The following IFFO2 variants were observed in gnomAD, a reference collection of about 807,000 sequenced individuals.
IFFO2 encodes intermediate filament family orphan 2.
A neutral mutation model predicts 53.5 loss-of-function variants in IFFO2; 19 were observed. That is an observed-to-expected ratio of 0.36 (90% confidence interval 0.25 to 0.52). The LOEUF is 0.52. IFFO2 is among the 20% of genes least tolerant of loss of function. The pLI is 0.94. For synonymous variants in IFFO2, 303 were observed against 313.6 expected (o/e 0.97, Z 0.36); for missense variants, 570 against 727.4 (o/e 0.78, Z 2.49).
intron 1 of IFFO2, among the ~76,000 whole-genome samples, chr1:18,955,284 C>A (rs1936709241): frequency 6.6e-6 from 1 of 152,278 alleles, no homozygotes; most frequent in African/African-American, 2.4e-5. Context: ...CGCCAAGCCA[C>A]CTTAGGCAAA....
chr1:18,919,807 G>T lies in IFFO2; in HGVS notation c.727-34C>A. 3.5e-6 allele frequency: 5 copies of T among 1,442,870 alleles called. No individual in the cohort carries two copies. The highest frequency in any genetic ancestry group is 4.8e-6 in the Non-Finnish European group (5 of 1,048,996). 89.4% of individuals were successfully genotyped at this position (1,442,870 alleles called of 1,614,324 possible). A position where few individuals can be genotyped will look rare whatever the true frequency, so the allele number is the denominator to read the frequency against. On this transcript the variant is annotated intron_variant, in intron 2 of 8. Transcript: ENST00000455833. The surrounding 1 kb of genome is among the most constrained non-coding windows in gnomAD (Gnocchi z 4.9). Reference sequence around the variant, plus strand: ...ACGGAGATGGGGAGGCTTCAGAGGGGCCGGGTCCTCTGGGGATAGGAGGGT... The same window carrying T: ...ACGGAGATGGGGAGGCTTCAGAGGGTCCGGGTCCTCTGGGGATAGGAGGGT...
At chr1:18,914,802 A>G (rs1360472593) in intron 5 of IFFO2, among the ~76,000 whole-genome samples, 2 of 148,594 alleles carry the variant, frequency 1.3e-5, no homozygotes, top group African/African-American at 5.0e-5. Context: ...CAGCCTGGGC[A>G]ACAGAACAAG....
intron 1 of IFFO2, among the ~76,000 whole-genome samples, chr1:18,953,000 G>C (rs1427543526): frequency 6.6e-6 from 1 of 152,366 alleles, no homozygotes; most frequent in South Asian, 2.1e-4. Flanking sequence ...TGTCCTTTGG[G>C]GAAGCAAGTG....
In IFFO2 at chr1:18,905,282, A is replaced by G. The variant is rs1005891477; in HGVS notation, c.*3279T>C. ...AGCTGCTCATGGGTGTGGATGACCA[A>G]AAGTGAGGACAGAAGACGAGGCCGG... is the stretch of plus-strand genomic sequence containing the variant. On this transcript the variant is annotated 3_prime_UTR_variant, in exon 9 of 9. Transcript: ENST00000455833. 1 of 152,154 alleles carries G rather than the reference A, an allele frequency of 6.6e-6. No individual in the cohort carries two copies. Among genetic ancestry groups the G allele is most frequent in the Non-Finnish European group, 1.5e-5 (1 of 68,092 alleles). 9.4% of individuals were successfully genotyped at this position (152,154 alleles called of 1,614,324 possible).
intron 1 of IFFO2, among the ~76,000 whole-genome samples, chr1:18,942,747 A>C (rs567581389): frequency 6.6e-6 from 1 of 152,272 alleles, no homozygotes; most frequent in South Asian, 2.1e-4. Flanking sequence ...ACTTGGCATC[A>C]GGTTAATTCT....
rs780357508 is a variant in IFFO2 at position 18,916,932 on chromosome 1, G to C, written c.1074C>G (p.Thr358=). The change falls in exon 5 of 9, where the codon ACC becomes ACG. Residue 358 remains threonine (T), a synonymous_variant. Coordinates refer to ENST00000455833, the MANE Select transcript of IFFO2 (RefSeq NM_001136265.2). This position sits in a 1 kb window ranked among gnomAD's most constrained non-coding sequence, Gnocchi z 4.3. The part of the protein sequence containing the change: ...SDDEVGSMNI[T]DEMKRMFNQL... ...GGTTAAACATGCGCTTCATCTCATC[G>C]GTGATGTTCATGGAGCCGACCTCAT... 146 of 1,551,778 alleles carry C rather than the reference G, an allele frequency of 9.4e-5. No homozygotes were observed. Among genetic ancestry groups the C allele is most frequent in the Non-Finnish European group, 1.2e-4 (142 of 1,147,048 alleles).
At chr1:18,955,271 A>C (rs958099605) in intron 1 of IFFO2, among the ~76,000 whole-genome samples, 3 of 152,014 alleles carry the variant, frequency 2.0e-5, no homozygotes, top group African/African-American at 7.3e-5. Flanking sequence ...TTCACCACTT[A>C]CTCGCCAAGC....
At chr1:18,913,267 T>C (rs1378939883) in intron 5 of IFFO2, among the ~76,000 whole-genome samples, 1 of 152,150 alleles carries the variant, frequency 6.6e-6, no homozygotes, top group East Asian at 1.9e-4. Flanking sequence ...CAGGAGCCCA[T>C]AGGTGGCTCC....
chr1:18,931,836 G>A (rs925501241), intron 1 of IFFO2, among the ~76,000 whole-genome samples: 2 of 152,122 alleles, frequency 1.3e-5, no homozygotes, highest in African/African-American at 4.8e-5. Flanking sequence ...CCCACTCCCT[G>A]CCCACACCCC....
chr1:18,950,967 C>G (rs1245624567), intron 1 of IFFO2, among the ~76,000 whole-genome samples: 1 of 152,198 alleles, frequency 6.6e-6, no homozygotes, highest in Non-Finnish European at 1.5e-5. Context: ...AACAAAGCCT[C>G]GACTGCTGGC....
intron 1 of IFFO2, among the ~76,000 whole-genome samples, chr1:18,924,049 G>A (rs1185645661): frequency 1.3e-5 from 2 of 152,234 alleles, no homozygotes; most frequent in African/African-American, 4.8e-5. Flanking sequence ...CTCCCAGGAG[G>A]TTGAGGACAG....
Position 18,921,051 on chromosome 1 carries a change from G to A in IFFO2, c.726+10C>T, listed in dbSNP as rs562395831. The A allele has an allele frequency of 2.6e-6, 4 of 1,551,684 alleles. No homozygotes were observed. The East Asian group carries it at 9.8e-5, about 38-fold the overall frequency. Reference sequence around the variant, plus strand: ...TGCCTCTCCTGGTCGGGATATCGGAGGGCTCTTACCTCCTGCAGCGTGTCC... The same window carrying A: ...TGCCTCTCCTGGTCGGGATATCGGAAGGCTCTTACCTCCTGCAGCGTGTCC... On this transcript the variant is annotated intron_variant, in intron 2 of 8. Transcript: ENST00000455833.
At chr1:18,949,587 A>C (rs1386227176) in intron 1 of IFFO2, among the ~76,000 whole-genome samples, 1 of 152,254 alleles carries the variant, frequency 6.6e-6, no homozygotes, top group Admixed American at 6.5e-5. Flanking sequence ...CAAAGCCCAC[A>C]GCCTCCGGTG....
At position 18,917,104 on chromosome 1, in the gene IFFO2, T is replaced by A. The variant is rs1569837504; in HGVS notation, c.964-62A>T. 2 of 1,524,430 alleles carry A rather than the reference T, an allele frequency of 1.3e-6. No homozygotes were observed. The highest frequency in any genetic ancestry group is 1.4e-5 in the African/African-American group (1 of 72,262). 94.4% of individuals were successfully genotyped at this position (1,524,430 alleles called of 1,614,324 possible). A position where few individuals can be genotyped will look rare whatever the true frequency, so the allele number is the denominator to read the frequency against. On this transcript the variant is annotated intron_variant, in intron 4 of 8. Coordinates refer to ENST00000455833, the MANE Select transcript of IFFO2 (RefSeq NM_001136265.2). This position sits in a 1 kb window ranked among gnomAD's most constrained non-coding sequence, Gnocchi z 5.9. ...GCTCGGCTAGGATGGAAGGTAGGGG[T>A]GAACTGGGAAGGGAGCCGGCATCTC...
At chr1:18,925,347 C>T (rs1936267853) in intron 1 of IFFO2, among the ~76,000 whole-genome samples, 1 of 152,218 alleles carries the variant, frequency 6.6e-6, no homozygotes, top group African/African-American at 2.4e-5. Context: ...TTGTTTGCCC[C>T]ACAGCTTAAA....
chr1:18,924,890 A>G (rs1440990765), intron 1 of IFFO2, among the ~76,000 whole-genome samples: 2 of 152,196 alleles, frequency 1.3e-5, no homozygotes, highest in East Asian at 1.9e-4. Context: ...GGGCCTTTCC[A>G]TAGATCCCCT....
At chr1:18,939,697 G>GC (rs1936496355) in intron 1 of IFFO2, among the ~76,000 whole-genome samples, 1 of 152,196 alleles carries the variant, frequency 6.6e-6, no homozygotes, top group Non-Finnish European at 1.5e-5. Context: ...AGGGTACGCA[G>GC]CAAGGTAATG....
At chr1:18,945,074 C>G (rs1175205613) in intron 1 of IFFO2, among the ~76,000 whole-genome samples, 1 of 152,180 alleles carries the variant, frequency 6.6e-6, no homozygotes, top group African/African-American at 2.4e-5. Context: ...ACACGCTGTC[C>G]TCTCTATCTG....
rs1287336814 is a variant in IFFO2 at position 18,906,830 on chromosome 1, A to G, written c.*1731T>C. ...GAGGTGCCCCCAGCAAAAGAAAACA[A>G]AGGAAAAAACTCATGACGAAGGCCA... On this transcript the variant is annotated 3_prime_UTR_variant, in exon 9 of 9. Transcript: ENST00000455833. 6.6e-6 allele frequency: 1 copy of G among 152,198 alleles called. No individual in the cohort carries two copies. The highest frequency in any genetic ancestry group is 1.5e-5 in the Non-Finnish European group (1 of 68,058). 9.4% of individuals were successfully genotyped at this position (152,198 alleles called of 1,614,324 possible). A position where few individuals can be genotyped will look rare whatever the true frequency, so the allele number is the denominator to read the frequency against.
Sources: allele counts gnomAD v4.1 joint callset (sites outside exome capture counted in the v4.1 genomes callset), GRCh38; gene constraint gnomAD v4.1.1; non-coding constraint Gnocchi (gnomAD v3.1); transcripts MANE v1.5; gene names NCBI Gene and HGNC (gene_info 2026-07-23, HGNC 2026-07-21).